Variants in SP100 observed in about 807,000 individuals in gnomAD.
SP100 encodes the protein nuclear autoantigen Sp-100.
In SP100, 84 loss-of-function variants were observed where a neutral mutation model predicts 130.0. The observed-to-expected ratio is 0.65, with a 90% CI of 0.54 to 0.77. SP100 has a LOEUF of 0.77. Ranked by LOEUF, SP100 falls within the 30% of genes least tolerant of loss-of-function variation. SP100 has a pLI of 0.00. For missense variants in SP100, 978 were observed against 1,052.2 expected (o/e 0.93, Z 0.97); for synonymous variants, 331 against 351.7 (o/e 0.94, Z 0.66).
rs775827268 is a variant in SP100 at position 230,504,302 on chromosome 2, G to C, written c.1870+12G>C. 28 of 1,460,930 alleles carry C rather than the reference G, an allele frequency of 1.9e-5. No homozygotes were observed. The highest frequency in any genetic ancestry group is 2.5e-5 in the Non-Finnish European group (26 of 1,044,796). 90.5% of individuals were successfully genotyped at this position (1,460,930 alleles called of 1,614,324 possible). On this transcript the variant is annotated intron_variant, in intron 21 of 28. Coordinates refer to ENST00000340126, the MANE Select transcript of SP100 (RefSeq NM_001080391.2). ...GCGATTCAAACAAGGTGAGTTTACT[G>C]GTCCATCTACGATTTTCAGCTGGAA...
At chr2:230,457,757 T>C (rs1232756831) in intron 8 of SP100, among the ~76,000 whole-genome samples, 1 of 152,184 alleles carries the variant, frequency 6.6e-6, no homozygotes, top group Non-Finnish European at 1.5e-5. Flanking sequence ...TTTTCATGCA[T>C]AGGTCGTTGT....
chr2:230,527,992 A>T (rs1252009723), intron 24 of SP100, among the ~76,000 whole-genome samples: 1 of 152,130 alleles, frequency 6.6e-6, no homozygotes, highest in African/African-American at 2.4e-5. Flanking sequence ...AGACTTTAAC[A>T]CCCCACTGTC....
intron 24 of SP100, among the ~76,000 whole-genome samples, chr2:230,519,662 A>T (rs781114646): frequency 6.6e-6 from 1 of 152,194 alleles, no homozygotes; most frequent in Non-Finnish European, 1.5e-5. Flanking sequence ...TCAAATCAGA[A>T]ATAGTGTGGG....
chr2:230,469,170 T>A, intron 14 of SP100, 74 bp downstream of exon 14: 1 of 935,296 alleles, frequency 1.1e-6, no homozygotes, highest in Non-Finnish European at 1.7e-6. Context: ...CTTTTTATGT[T>A]ATATCCTTTA....
chr2:230,480,249 A>C (rs139052775), intron 17 of SP100, among the ~76,000 whole-genome samples: 1 of 152,306 alleles, frequency 6.6e-6, no homozygotes, highest in East Asian at 1.9e-4. Context: ...TGCCCGATTA[A>C]TAGTTATTGG....
intron 24 of SP100, among the ~76,000 whole-genome samples, chr2:230,527,928 G>C (rs1270111628): frequency 6.6e-6 from 1 of 152,154 alleles, no homozygotes; most frequent in Admixed American, 6.5e-5. Flanking sequence ...GATTCATAAA[G>C]CAAGTCCTTA....
At chr2:230,445,390 G>A (rs1472550647) in intron 4 of SP100, among the ~76,000 whole-genome samples, 1 of 152,194 alleles carries the variant, frequency 6.6e-6, no homozygotes, top group African/African-American at 2.4e-5. Flanking sequence ...GGGCAAATTA[G>A]ATTTGGCTAA....
At chr2:230,473,589 C>A (rs747333991) in intron 16 of SP100, 149 bp downstream of exon 16, 13 of 533,770 alleles carry the variant, frequency 2.4e-5, no homozygotes, top group Non-Finnish European at 4.1e-5. Flanking sequence ...CCCCAAGCTT[C>A]AGAATTTCAA....
intron 24 of SP100, among the ~76,000 whole-genome samples, chr2:230,525,219 T>C (rs185022309): frequency 6.6e-6 from 1 of 152,330 alleles, no homozygotes; most frequent in Non-Finnish European, 1.5e-5. Context: ...ATGTCATAGA[T>C]GGTCTGTGTA....
intron 8 of SP100, among the ~76,000 whole-genome samples, chr2:230,455,054 T>C (rs1450137579): frequency 2.6e-5 from 4 of 152,132 alleles, no homozygotes; most frequent in Admixed American, 2.6e-4. Flanking sequence ...TCTTTCTTTC[T>C]TTTTGTTTCT....
intron 17 of SP100, among the ~76,000 whole-genome samples, chr2:230,484,684 T>C (rs2065984060): frequency 6.6e-6 from 1 of 152,204 alleles, no homozygotes; most frequent in South Asian, 2.1e-4. Flanking sequence ...CCTTGCATTA[T>C]ATCTTTTAAC....
chr2:230,497,485 AGGG>A (rs2066735835), intron 18 of SP100, among the ~76,000 whole-genome samples: 3 of 52,306 alleles, frequency 5.7e-5, no homozygotes, highest in African/African-American at 2.5e-4. Flanking sequence ...AGGGGAGGGG[AGGG>A]GAGGAGAGGA....
At chr2:230,494,329 T>A (rs1446891069) in intron 17 of SP100, 87 bp from the exon 18 acceptor site, 2 of 1,064,386 alleles carry the variant, frequency 1.9e-6, no homozygotes, top group Non-Finnish European at 2.9e-6. Context: ...AAAACAAAAT[T>A]CAATGCTTGT....
At chr2:230,523,503 T>TA (rs1691272596) in intron 24 of SP100, among the ~76,000 whole-genome samples, 3 of 151,874 alleles carry the variant, frequency 2.0e-5, no homozygotes. Context: ...CCCATCTCTA[T>TA]AAAAAATAAA....
intron 24 of SP100, among the ~76,000 whole-genome samples, chr2:230,519,087 T>C (rs1450472396): frequency 6.6e-6 from 1 of 152,254 alleles, no homozygotes; most frequent in African/African-American, 2.4e-5. Flanking sequence ...CCTACATGAC[T>C]GAAGCCCTTA....
chr2:230,464,946 G>A (rs1387728897), intron 11 of SP100, among the ~76,000 whole-genome samples: 3 of 152,064 alleles, frequency 2.0e-5, no homozygotes, highest in East Asian at 1.9e-4. Context: ...ACAAAAATTA[G>A]CCAGGCATGG....
rs906372556 is a variant in SP100, at chr2:230,417,683, A to G, written c.107+18A>G. ...TTGCAAAGGTGATGAATGAAGAGTT[A>G]TGTCTTGTTTTAATTTGTATTTTCC... On this transcript the variant is annotated intron_variant, in intron 2 of 28. Transcript: ENST00000340126. 2 of 1,607,006 alleles carry G rather than the reference A, an allele frequency of 1.2e-6. No individual in the cohort carries two copies. Among genetic ancestry groups the G allele is most frequent in the Middle Eastern group, 1.7e-4 (1 of 6,048 alleles).
chr2:230,422,000 T>C (rs1028563673), intron 2 of SP100, among the ~76,000 whole-genome samples: 32 of 152,196 alleles, frequency 2.1e-4, no homozygotes, highest in East Asian at 3.8e-4. Flanking sequence ...CTTTCCTAGA[T>C]TGATCCTCTA....
chr2:230,537,959 C>T (rs531208743), intron 24 of SP100: 1 of 152,460 alleles, frequency 6.6e-6, no homozygotes, highest in Non-Finnish European at 1.5e-5. Context: ...GAGCCCAAGG[C>T]TGTATATTTC....
Sources: allele counts gnomAD v4.1 joint callset (sites outside exome capture counted in the v4.1 genomes callset), GRCh38; gene constraint gnomAD v4.1.1; transcripts MANE v1.5; gene names NCBI Gene and HGNC (gene_info 2026-07-23, HGNC 2026-07-21).